SCRIB: variants seen among roughly 807,000 people sequenced by gnomAD.
SCRIB encodes protein scribble homolog.
Under a neutral mutation model 170.0 loss-of-function variants are expected in SCRIB, and 72 were observed. That is an observed-to-expected ratio of 0.42 (90% CI 0.35 to 0.52). The LOEUF (loss-of-function observed/expected upper bound fraction) is 0.52. Among genes scored for constraint, SCRIB ranks in the 20% least tolerant of loss-of-function variants. The probability of loss-of-function intolerance (pLI) is 0.02; values close to 1 mark genes in which losing one functional copy is unlikely to be tolerated. For missense variants in SCRIB, 2,475 were observed against 2,338.5 expected (o/e 1.06, Z -1.20); for synonymous variants, 1,298 against 1,044.3 (o/e 1.24, Z -4.68).
chr8:143,794,219 G>A (rs1273297770), intron 27 of SCRIB: 2 of 505,760 alleles, frequency 4.0e-6, no homozygotes, highest in South Asian at 3.1e-5. Flanking sequence ...AGGAGAGATG[G>A]GAGCAGACAG....
intron 25 of SCRIB, 30 bp from the exon 26 acceptor site, chr8:143,795,363 G>T: frequency 1.2e-6 from 2 of 1,612,560 alleles, no homozygotes; most frequent in South Asian, 2.2e-5. Context: ...GACCCGTCAG[G>T]CACCACCGGC....
At position 143,795,463 on chromosome 8, in the gene SCRIB, A is replaced by T. The variant is rs1252277682; in HGVS notation, c.3671T>A (p.Ile1224Asn). The T allele has an allele frequency of 6.2e-7, 1 of 1,613,014 alleles. No individual in the cohort carries two copies. The highest frequency in any genetic ancestry group is 8.5e-7 in the Non-Finnish European group (1 of 1,179,792). ...GIGHRNSLES[I>N]SSIDRELSPE... The stretch of plus-strand genomic sequence containing the variant: ...GCTCAGCTCCCGGTCGATGGAAGAG[A>T]TGCTCTCCAGGCTGTTCCGGTGGCC... The change falls in exon 25 of 37, where the codon ATC becomes AAC. Residue 1224 changes from isoleucine to asparagine, a missense_variant. Physicochemically the swap from Ile to Asn is moderately radical, Grantham distance 149 (BLOSUM62 -3). Transcript: ENST00000356994.
intron 12 of SCRIB, 37 bp from the exon 13 acceptor site, chr8:143,810,641 C>G (rs540247787): frequency 1.1e-5 from 18 of 1,605,834 alleles, no homozygotes; most frequent in Admixed American, 5.0e-5. Flanking sequence ...AGCCACAGGG[C>G]AGGGGTCAGG....
Position 143,791,093 on chromosome 8 carries a change from G to GACTT in SCRIB, c.*66_*69dup, listed in dbSNP as rs1304922311. ...TAAAATGCTAACACCCAGGTTAAAA[G>GACTT]ACTTGGGGCAAGGGTGGTGCTGGAG... On this transcript the variant is annotated 3_prime_UTR_variant, in exon 37 of 37. Coordinates refer to ENST00000356994, the MANE Select transcript of SCRIB (RefSeq NM_182706.5). The GACTT allele has an allele frequency of 1.3e-5, 18 of 1,355,688 alleles. No homozygotes were observed. The highest frequency in any genetic ancestry group is 7.0e-5 in the Admixed American group (2 of 28,750). The allele number at this position is 1,355,688 out of a possible 1,614,324, so 84.0% of individuals were successfully genotyped here.
At position 143,814,259 on chromosome 8, in the gene SCRIB, C is replaced by T. The variant is rs138534839; in HGVS notation, c.160-141G>A. ...CACACCGGGTCCTGGGGTCTAACCA[C>T]GACACCCCATTTGCAAAAAAAGGAA... On this transcript the variant is annotated intron_variant, in intron 1 of 36. Transcript: ENST00000356994. 6.5e-3 allele frequency: 4,320 copies of T among 664,454 alleles called. 35 individuals are homozygous for T. The highest frequency in any genetic ancestry group is 7.5e-3 in the Non-Finnish European group (2,918 of 388,734). The allele number at this position is 664,454 out of a possible 1,614,324, so 41.2% of individuals were successfully genotyped here. A position where few individuals can be genotyped will look rare whatever the true frequency, so the allele number is the denominator to read the frequency against.
intron 16 of SCRIB, 81 bp from the exon 17 acceptor site, chr8:143,807,094 C>T: frequency 3.0e-6 from 3 of 1,009,370 alleles, no homozygotes; most frequent in Middle Eastern, 2.1e-4. Flanking sequence ...CACCAGCACG[C>T]AGATGCCATT....
chr8:143,800,820 G>A (rs910201793), intron 24 of SCRIB, among the ~76,000 whole-genome samples: 10 of 152,282 alleles, frequency 6.6e-5, no homozygotes, highest in African/African-American at 1.2e-4. Flanking sequence ...AGCCTGCGGC[G>A]TGCAGCGACT....
chr8:143,815,220 C>T lies in SCRIB; in HGVS notation c.153G>A (p.Leu51=). ...GGTGCGGGCGGCCGCTCACCTTGGGCAGCTCGCGCAGCTGGTTGGCGTCGA... is the reference window on the plus strand; with the variant it reads ...GGTGCGGGCGGCCGCTCACCTTGGGTAGCTCGCGCAGCTGGTTGGCGTCGA... ...LLLDANQLRE[L]PKPFFRLLNL... is the part of the protein sequence containing the mutation. Residue 51 remains leucine (L), a synonymous_variant, in exon 1 of 37, where the codon CTG becomes CTA. Coordinates refer to ENST00000356994, the MANE Select transcript of SCRIB (RefSeq NM_182706.5). The T allele has an allele frequency of 6.3e-7, 1 of 1,582,794 alleles. No homozygotes were observed.
chr8:143,812,228 A>ATCCTTT, intron 9 of SCRIB, 38 bp downstream of exon 9: 1 of 1,339,940 alleles, frequency 7.5e-7, no homozygotes, highest in South Asian at 1.2e-5. Context: ...TGCACCCCCG[A>ATCCTTT]CGGCCCCATC....
Position 143,805,325 on chromosome 8 carries a change from A to G in SCRIB, c.2457T>C (p.Pro819=). 1.3e-6 allele frequency: 2 copies of G among 1,544,394 alleles called. No homozygotes were observed. The highest frequency in any genetic ancestry group is 1.7e-6 in the Non-Finnish European group (2 of 1,150,718). Residue 819 remains proline (P), a synonymous_variant, in exon 19 of 37, where the codon CCT becomes CCC. Coordinates refer to ENST00000356994, the MANE Select transcript of SCRIB (RefSeq NM_182706.5). ...MRVWRERMVE[P]ENAVTITPLR... is the part of the protein sequence containing the mutation. ...GCGGCGTGATGGTGACCGCGTTCTC[A>G]GGCTCCACCATGCGCTCCCGCCACA...
rs1554633242 is a variant in SCRIB, at chr8:143,792,797, A to T, written c.4088T>A (p.Leu1363Gln). 1 of 1,569,314 alleles carries T rather than the reference A, an allele frequency of 6.4e-7. No homozygotes were observed. The highest frequency in any genetic ancestry group is 2.3e-5 in the East Asian group (1 of 44,202). Reference sequence around the variant, plus strand: ...CTCGGCCTGGGGCACGCGCACCTCCAGCTCAAAGTACTTCTGCCGCTCCCG... The same window carrying T: ...CTCGGCCTGGGGCACGCGCACCTCCTGCTCAAAGTACTTCTGCCGCTCCCG... Reference protein sequence around the residue: ...SFRERQKYFELEVRVPQAEGP... With the variant: ...SFRERQKYFEQEVRVPQAEGP... Residue 1363 changes from leucine to glutamine, a missense_variant, in exon 30 of 37, where the codon CTG (leucine) becomes CAG (glutamine). Around this residue, in one of 3 missense-constraint regions of SCRIB, gnomAD observed 1,966 missense variants for 1,742.9 expected, o/e 1.13. Transcript: ENST00000356994.
intron 24 of SCRIB, 26 bp from the exon 25 acceptor site, chr8:143,795,556 A>G: frequency 6.3e-7 from 1 of 1,579,254 alleles, no homozygotes; most frequent in Non-Finnish European, 8.7e-7. Context: ...TGGGCTAAGA[A>G]GGGGGGACTG....
chr8:143,793,561 G>A lies in SCRIB; in HGVS notation c.3909+339C>T, dbSNP rs1309017281. ...GGCAGTGTGTTGGGAGGTGCCAACA[G>A]TGGGGGGGCAAGGACCCCCAGACAA... On this transcript the variant is annotated intron_variant, in intron 28 of 36. Transcript: ENST00000356994. 1.1e-5 allele frequency: 4 copies of A among 352,998 alleles called. No homozygotes were observed. The South Asian group carries it at 2.2e-4, about 19-fold the overall frequency. 21.9% of individuals were successfully genotyped at this position (352,998 alleles called of 1,614,324 possible).
At chr8:143,800,764 T>G (rs570204861) in intron 24 of SCRIB, among the ~76,000 whole-genome samples, 2 of 152,204 alleles carry the variant, frequency 1.3e-5, no homozygotes, top group Non-Finnish European at 2.9e-5. Flanking sequence ...TAGTCCCAGC[T>G]ACTCGGGAGG....
At chr8:143,814,256 C>G (rs1404827481) in intron 1 of SCRIB, 138 bp from the exon 2 acceptor site, 1 of 665,524 alleles carries the variant, frequency 1.5e-6, no homozygotes, top group East Asian at 2.7e-5. Context: ...TGGGGTCTAA[C>G]CACGACACCC....
At position 143,795,067 on chromosome 8, in the gene SCRIB, C is replaced by T. The variant is rs371451153; in HGVS notation, c.3817G>A (p.Ala1273Thr). 85 of 1,610,964 alleles carry T rather than the reference C, an allele frequency of 5.3e-5. No homozygotes were observed. Among genetic ancestry groups the T allele is most frequent in the Admixed American group, 6.7e-5 (4 of 59,938 alleles). Residue 1273 changes from alanine (A) to threonine (T), a missense_variant, in exon 27 of 37, where the codon GCC becomes ACC. Physicochemically the swap from Ala to Thr is moderately conservative, Grantham distance 58. Transcript: ENST00000356994. ...PLKLDYRALA[A>T]VPSAGSVQRV... Reference sequence around the variant, plus strand: ...TGCACGCTGCCAGCGCTGGGCACGGCGGCCAGGGCGCGGTAGTCCAGCTTC... The same window carrying T: ...TGCACGCTGCCAGCGCTGGGCACGGTGGCCAGGGCGCGGTAGTCCAGCTTC...
At chr8:143,813,764 C>T (rs1176972012) in intron 3 of SCRIB, 38 bp from the exon 4 acceptor site, 1 of 1,611,580 alleles carries the variant, frequency 6.2e-7, no homozygotes, top group South Asian at 1.1e-5. Flanking sequence ...GATGACCAGT[C>T]CAGGGCTGTG....
At chr8:143,797,335 A>G (rs1814985536) in intron 24 of SCRIB, among the ~76,000 whole-genome samples, 2 of 152,236 alleles carry the variant, frequency 1.3e-5, no homozygotes, top group Non-Finnish European at 2.9e-5. Flanking sequence ...GCCCACGTGA[A>G]CAGGTAAGCA....
intron 19 of SCRIB, 23 bp downstream of exon 19, chr8:143,805,089 C>A (rs1815359370): frequency 6.3e-7 from 1 of 1,594,974 alleles, no homozygotes; most frequent in Non-Finnish European, 8.5e-7. Context: ...GCAGCCCTCC[C>A]CGGCCCTGGG....
Sources: allele counts gnomAD v4.1 joint callset (sites outside exome capture counted in the v4.1 genomes callset), GRCh38; gene constraint gnomAD v4.1.1; regional missense constraint gnomAD v4.1.1; transcripts MANE v1.5; gene names NCBI Gene and HGNC (gene_info 2026-07-23, HGNC 2026-07-21).